Variants in PPARD observed in about 807,000 individuals in gnomAD.
PPARD encodes peroxisome proliferator activated receptor delta.
Under a neutral mutation model 39.5 loss-of-function variants are expected in PPARD, and 6 were observed. The ratio of observed to expected loss-of-function variants is 0.15; its 90% CI spans 0.08 to 0.30. The LOEUF is 0.30. PPARD is among the 10% of genes least tolerant of loss of function. The pLI is 1.00. For synonymous variants in PPARD, 210 were observed against 231.3 expected (o/e 0.91, Z 0.83); for missense variants, 397 against 596.8 (o/e 0.67, Z 3.49).
intron 2 of PPARD, among the ~76,000 whole-genome samples, chr6:35,365,112 A>G (rs967702319): frequency 2.0e-5 from 3 of 147,060 alleles, no homozygotes; most frequent in Non-Finnish European, 4.5e-5. Flanking sequence ...CATACCAGAC[A>G]TGTAGAGCTT....
chr6:35,402,360 C>T (rs1764748375), intron 2 of PPARD, among the ~76,000 whole-genome samples: 2 of 152,220 alleles, frequency 1.3e-5, no homozygotes, highest in Non-Finnish European at 2.9e-5. Flanking sequence ...CAGAGGTGGT[C>T]AGCACGTTAG....
Position 35,424,959 on chromosome 6 carries a change from C to T in PPARD, c.1078+180C>T, listed in dbSNP as rs201976079. 11 of 1,431,292 alleles carry T rather than the reference C, an allele frequency of 7.7e-6. No homozygotes were observed. The highest frequency in any genetic ancestry group is 2.9e-5 in the African/African-American group (2 of 69,594). The allele number at this position is 1,431,292 out of a possible 1,614,324, so 88.7% of individuals were successfully genotyped here. A position where few individuals can be genotyped will look rare whatever the true frequency, so the allele number is the denominator to read the frequency against. On this transcript the variant is annotated intron_variant, in intron 7 of 7. Transcript: ENST00000360694. The surrounding 1 kb of genome is among the most constrained non-coding windows in gnomAD (Gnocchi z 7.1). Reference sequence around the variant, plus strand: ...AGGATCAGCTCCATCTCATTATGTACGTAGATAGAGGTGGAGACAGGAAAA... The same window carrying T: ...AGGATCAGCTCCATCTCATTATGTATGTAGATAGAGGTGGAGACAGGAAAA...
intron 4 of PPARD, 139 bp downstream of exon 4, chr6:35,420,420 C>T (rs1340701746): frequency 8.4e-7 from 1 of 1,195,134 alleles, no homozygotes; most frequent in Non-Finnish European, 1.1e-6. Context: ...GGCAGCCAGG[C>T]CCTTGTGCTC....
intron 2 of PPARD, among the ~76,000 whole-genome samples, chr6:35,351,621 T>A (rs1205013108): frequency 1.3e-5 from 2 of 151,942 alleles, no homozygotes; most frequent in Non-Finnish European, 2.9e-5. Flanking sequence ...GGTGCAGTCA[T>A]AGCTCACTTG....
rs960726899 is a variant in PPARD, at chr6:35,363,113, G to A, written c.-102+15963G>A. Among the ~76,000 whole-genome samples, 3 of 152,174 alleles carry A rather than the reference G, an allele frequency of 2.0e-5. No homozygotes were observed. The highest frequency in any genetic ancestry group is 3.2e-3 in the Middle Eastern group (1 of 316). ...AAAGCAAGGGAGAAAATTGAAGATG[G>A]GGTATTTTGTGGGGAACAAGCTATG... is the stretch of plus-strand genomic sequence containing the variant. On this transcript the variant is annotated intron_variant, in intron 2 of 7. Transcript: ENST00000360694. This position sits in a 1 kb window ranked among gnomAD's most constrained non-coding sequence, Gnocchi z 4.5.
chr6:35,367,211 G>C (rs887883411), intron 2 of PPARD, among the ~76,000 whole-genome samples: 27 of 152,232 alleles, frequency 1.8e-4, no homozygotes, highest in African/African-American at 6.3e-4. Flanking sequence ...ATGGGAGAAG[G>C]TGAGTGATTT....
chr6:35,396,175 T>C (rs916688047), intron 2 of PPARD, among the ~76,000 whole-genome samples: 1 of 152,020 alleles, frequency 6.6e-6, no homozygotes, highest in African/African-American at 2.4e-5. Flanking sequence ...TATTTTCTTC[T>C]TTGAAACTCT....
intron 3 of PPARD, among the ~76,000 whole-genome samples, chr6:35,414,371 G>A (rs889317204): frequency 6.6e-6 from 1 of 151,970 alleles, no homozygotes; most frequent in African/African-American, 2.4e-5. Context: ...ACCCTTCTGT[G>A]TTTTTCTCAA....
At chr6:35,381,290 G>A (rs551743124) in intron 2 of PPARD, among the ~76,000 whole-genome samples, 1 of 152,288 alleles carries the variant, frequency 6.6e-6, no homozygotes, top group East Asian at 1.9e-4. Flanking sequence ...AAAGACCAGA[G>A]GTTAGAGGTG....
chr6:35,348,706 G>T, intron 2 of PPARD: 1 of 985,354 alleles, frequency 1.0e-6, no homozygotes, highest in Non-Finnish European at 1.2e-6. Context: ...GGGTCAGGTT[G>T]TTTGTAGATC....
At chr6:35,361,802 G>A (rs951480665) in intron 2 of PPARD, among the ~76,000 whole-genome samples, 4 of 152,202 alleles carry the variant, frequency 2.6e-5, no homozygotes, top group African/African-American at 9.6e-5. Context: ...AGTGGTAGGG[G>A]TCTGTGTCCC....
At chr6:35,374,829 A>G (rs928877037) in intron 2 of PPARD, among the ~76,000 whole-genome samples, 8 of 151,970 alleles carry the variant, frequency 5.3e-5, no homozygotes, top group Non-Finnish European at 1.2e-4. Context: ...TCTTCCCACA[A>G]TCCCCACCTT....
Position 35,412,261 on chromosome 6 carries a change from A to G in PPARD, c.130+1044A>G, listed in dbSNP as rs1012979724. On this transcript the variant is annotated intron_variant, in intron 3 of 7. Transcript: ENST00000360694. The surrounding 1 kb of genome is among the most constrained non-coding windows in gnomAD (Gnocchi z 4.1). ...CCTCTGCTTCTTGCTTTCTCCCACC[A>G]CTTCTCTCCTTACCCAAGTGCTGCA... is the stretch of plus-strand genomic sequence containing the variant. 1.3e-5 allele frequency among the ~76,000 whole-genome samples: 2 copies of G among 151,654 alleles called. No homozygotes were observed. Among genetic ancestry groups the G allele is most frequent in the Admixed American group, 1.3e-4 (2 of 15,226 alleles).
chr6:35,417,251 G>A (rs1046063506), intron 3 of PPARD, among the ~76,000 whole-genome samples: 4 of 151,348 alleles, frequency 2.6e-5, no homozygotes, highest in African/African-American at 4.9e-5. Flanking sequence ...TGATCCTCCC[G>A]CCTCAGCCTC....
intron 2 of PPARD, among the ~76,000 whole-genome samples, chr6:35,374,328 G>C (rs1049016818): frequency 2.0e-5 from 3 of 150,736 alleles, no homozygotes; most frequent in Admixed American, 1.3e-4. Context: ...GGGTTTAGTG[G>C]GCAATTGCTT....
chr6:35,367,319 A>G (rs1762259204), intron 2 of PPARD, among the ~76,000 whole-genome samples: 1 of 152,160 alleles, frequency 6.6e-6, no homozygotes, highest in African/African-American at 2.4e-5. Context: ...CTTGGCCCAA[A>G]AAGACTCTAA....
chr6:35,410,893 T>C, intron 2 of PPARD, 94 bp from the exon 3 acceptor site: 4 of 1,242,298 alleles, frequency 3.2e-6, no homozygotes, highest in Non-Finnish European at 3.0e-6. Flanking sequence ...AAGAACCCCC[T>C]CCATGACAGC....
chr6:35,347,475 AAATT>A (rs1760933179), intron 2 of PPARD, among the ~76,000 whole-genome samples: 1 of 152,062 alleles, frequency 6.6e-6, no homozygotes. Flanking sequence ...GATAATGAAT[AAATT>A]TTTGTTGAAT....
In PPARD at chr6:35,386,315, ATT is replaced by A. The variant is rs751089075; in HGVS notation, c.-101-24650_-101-24649del. Among the ~76,000 whole-genome samples the A allele has an allele frequency of 1.4e-3, 170 of 120,394 alleles. 2 individuals carry two copies. Among genetic ancestry groups the A allele is most frequent in the Middle Eastern group, 9.4e-3 (2 of 212 alleles). The allele number at this position is 120,394 out of a possible 152,430, so 79.0% of individuals were successfully genotyped here. The stretch of plus-strand genomic sequence containing the variant: ...TGCATAGTGAGACCCCACCTCTACA[ATT>A]TTTTTTTTTTTTTTTTTTTTTCAGT... On this transcript the variant is annotated intron_variant, in intron 2 of 7. Coordinates refer to ENST00000360694, the MANE Select transcript of PPARD (RefSeq NM_006238.5).
Sources: allele counts gnomAD v4.1 joint callset (sites outside exome capture counted in the v4.1 genomes callset), GRCh38; gene constraint gnomAD v4.1.1; non-coding constraint Gnocchi (gnomAD v3.1); transcripts MANE v1.5; gene names NCBI Gene and HGNC (gene_info 2026-07-23, HGNC 2026-07-21).